Variants in DBNDD2 observed in about 807,000 individuals in gnomAD.
DBNDD2 encodes dysbindin domain-containing protein 2.
DBNDD2 carries 8 observed loss-of-function variants against 14.0 expected under a neutral mutation model. The observed-to-expected ratio is 0.57, with a 90% CI of 0.33 to 1.03. DBNDD2 has a LOEUF of 1.03. Ranked by LOEUF, DBNDD2 falls within the 50% of genes least tolerant of loss-of-function variation. The pLI, the probability that DBNDD2 is intolerant of heterozygous loss-of-function variation, is 0.03. For synonymous variants in DBNDD2, 94 were observed against 85.3 expected (o/e 1.10, Z -0.56); for missense variants, 194 against 206.0 (o/e 0.94, Z 0.36).
In DBNDD2 at chr20:45,410,372, T is replaced by A. The variant is rs1183503899; in HGVS notation, c.*232T>A. 1 of 552,870 alleles carries A rather than the reference T, an allele frequency of 1.8e-6. No homozygotes were observed. Among genetic ancestry groups the A allele is most frequent in the Non-Finnish European group, 3.2e-6 (1 of 309,446 alleles). The allele number at this position is 552,870 out of a possible 1,614,324, so 34.2% of individuals were successfully genotyped here. A position where few individuals can be genotyped will look rare whatever the true frequency, so the allele number is the denominator to read the frequency against. On this transcript the variant is annotated 3_prime_UTR_variant, in exon 3 of 3. Coordinates refer to ENST00000372710, the MANE Select transcript of DBNDD2 (RefSeq NM_001048225.4). ...TTTTTGGCTTACTCCTGAGATATGA[T>A]TTGCAAATGAGGAGAGAGAAGATGA...
At chr20:45,408,079 C>A, upstream of DBNDD2, 1 of 1,472,006 alleles carries the variant, frequency 6.8e-7, no homozygotes, top group Non-Finnish European at 9.0e-7. Context: ...CCTTCTGAGG[C>A]AAGCGGGGCC....
At chr20:45,406,490 A>G, upstream of DBNDD2, 1 of 1,527,258 alleles carries the variant, frequency 6.5e-7, no homozygotes, top group East Asian at 2.7e-5. Context: ...TGGAAGTACC[A>G]GTAGCCGCGC....
At chr20:45,406,414 G>A (rs1328371203), upstream of DBNDD2, 2 of 1,492,086 alleles carry the variant, frequency 1.3e-6, no homozygotes, top group African/African-American at 1.5e-5. Flanking sequence ...GGTGGCGAGG[G>A]TGGTGCAGAG....
chr20:45,408,522 C>A lies in DBNDD2; in HGVS notation c.55C>A (p.Arg19=). Residue 19 remains arginine (R), a synonymous_variant, in exon 1 of 3, where the codon CGG becomes AGG. Transcript: ENST00000372710. Reference sequence around the variant, plus strand: ...GCGCCAGCAGCTCCGCCTTCGGGAGCGGCAAAAATTCTTCGAGGACATTTT... The same window carrying A: ...GCGCCAGCAGCTCCGCCTTCGGGAGAGGCAAAAATTCTTCGAGGACATTTT... ...LERQQLRLRE[R]QKFFEDILQP... is the part of the protein sequence containing the mutation. The A allele has an allele frequency of 1.2e-6, 2 of 1,614,256 alleles. No individual in the cohort carries two copies. Among genetic ancestry groups the A allele is most frequent in the Non-Finnish European group, 1.7e-6 (2 of 1,180,046 alleles).
intron 2 of DBNDD2, 110 bp downstream of exon 2, chr20:45,409,048 A>G: frequency 6.2e-7 from 1 of 1,606,780 alleles, no homozygotes; most frequent in South Asian, 1.1e-5. Flanking sequence ...TAAGGGCTGG[A>G]AGTGGGTGTT....
At position 45,408,563 on chromosome 20, in the gene DBNDD2, G is replaced by T; in HGVS notation, c.96G>T (p.Glu32Asp). 1 of 1,614,234 alleles carries T rather than the reference G, an allele frequency of 6.2e-7. No homozygotes were observed. Among genetic ancestry groups the T allele is most frequent in the Non-Finnish European group, 8.5e-7 (1 of 1,180,032 alleles). The change falls in exon 1 of 3, where the codon GAG becomes GAT. Residue 32 changes from glutamate to aspartate, a missense_variant. Physicochemically the swap from Glu to Asp is conservative, Grantham distance 45. Coordinates refer to ENST00000372710, the MANE Select transcript of DBNDD2 (RefSeq NM_001048225.4). Reference protein sequence around the residue: ...FFEDILQPETEFVFPLSHLHL... With the variant: ...FFEDILQPETDFVFPLSHLHL... The stretch of plus-strand genomic sequence containing the variant: ...AGGACATTTTACAGCCAGAGACAGA[G>T]TTTGTCTTTCCTCTGTCCCATCTGC...
At chr20:45,407,534 C>T (rs1249756986), upstream of DBNDD2, 9 of 985,996 alleles carry the variant, frequency 9.1e-6, no homozygotes, top group Non-Finnish European at 1.1e-5. Context: ...ATGCACCGAC[C>T]TGGGCTGGCC....
Position 45,410,590 on chromosome 20 carries a change from C to G in DBNDD2, c.*450C>G, listed in dbSNP as rs570107770. 3.5e-4 allele frequency: 57 copies of G among 164,596 alleles called. No homozygotes were observed. Among genetic ancestry groups the G allele is most frequent in the Non-Finnish European group, 5.4e-4 (40 of 74,616 alleles). The allele number at this position is 164,596 out of a possible 1,614,324, so 10.2% of individuals were successfully genotyped here. On this transcript the variant is annotated 3_prime_UTR_variant, in exon 3 of 3. Coordinates refer to ENST00000372710, the MANE Select transcript of DBNDD2 (RefSeq NM_001048225.4). Reference sequence around the variant, plus strand: ...AACAGAGCACGGTATAAATAATAAACTAATAATAATATGCCAACCATTCGA... The same window carrying G: ...AACAGAGCACGGTATAAATAATAAAGTAATAATAATATGCCAACCATTCGA...
chr20:45,407,948 G>A (rs1193597561), upstream of DBNDD2: 4 of 1,380,210 alleles, frequency 2.9e-6, no homozygotes, highest in Non-Finnish European at 2.8e-6. Context: ...AAGGAGGGGC[G>A]CGGGAGGAGT....
Position 45,410,068 on chromosome 20 carries a change from T to TA in DBNDD2, c.415dup (p.Thr139AsnfsTer8), listed in dbSNP as rs1202551555. The TA allele has an allele frequency of 1.9e-6, 3 of 1,554,826 alleles. No homozygotes were observed. In the African/African-American group the frequency reaches 4.1e-5, roughly 21 times the overall value. ...CAAATCCAAGTGATGATGGAGCAGA[T>TA]ACGCCCTTGGCACAGTCGGATGAAG... On this transcript the variant is annotated frameshift_variant, in exon 3 of 3. Transcript: ENST00000372710. LOFTEE classifies it high-confidence loss of function.
Sources: allele counts gnomAD v4.1 joint callset, GRCh38; gene constraint gnomAD v4.1.1; transcripts MANE v1.5; gene names NCBI Gene and HGNC (gene_info 2026-07-23, HGNC 2026-07-21).